MIS18A: variants seen among roughly 807,000 people sequenced by gnomAD.
The protein encoded by MIS18A is protein Mis18-alpha.
A neutral mutation model predicts 25.0 loss-of-function variants in MIS18A; 14 were observed. The ratio of observed to expected loss-of-function variants is 0.56; its 90% confidence interval spans 0.37 to 0.88. The LOEUF is 0.88. MIS18A is among the 40% of genes least tolerant of loss of function. The pLI, the probability that MIS18A is intolerant of heterozygous loss-of-function variation, is 0.00. For synonymous variants in MIS18A, 134 were observed against 118.6 expected (o/e 1.13, Z -0.84); for missense variants, 292 against 290.8 (o/e 1.00, Z -0.03).
chr21:32,171,616 G>A, the MIS18A span, among the ~76,000 whole-genome samples: 1 of 151,990 alleles, frequency 6.6e-6, no homozygotes, highest in African/African-American at 2.4e-5. Context: ...AACCTATATA[G>A]CACATTACTT....
chr21:32,228,005 C>T, the MIS18A span, among the ~76,000 whole-genome samples: 1 of 152,298 alleles, frequency 6.6e-6, no homozygotes, highest in East Asian at 1.9e-4. Flanking sequence ...ATGATAAAAA[C>T]ACTCAATAAA....
the MIS18A span, among the ~76,000 whole-genome samples, chr21:32,219,876 A>G: frequency 6.6e-6 from 1 of 152,196 alleles, no homozygotes; most frequent in Non-Finnish European, 1.5e-5. Flanking sequence ...CGAACTGGGC[A>G]GAGCCCACCA....
chr21:32,246,853 G>A, the MIS18A span, among the ~76,000 whole-genome samples: 3 of 152,122 alleles, frequency 2.0e-5, no homozygotes, highest in Non-Finnish European at 4.4e-5. Context: ...AACAGAAACG[G>A]CTTTTCTCTG....
the MIS18A span, chr21:32,259,705 C>T: frequency 6.6e-6 from 1 of 152,244 alleles, no homozygotes; most frequent in African/African-American, 2.4e-5. Context: ...CTCCCTTGCA[C>T]CCAGACAGCG....
chr21:32,191,862 G>A, the MIS18A span, among the ~76,000 whole-genome samples: 2 of 151,914 alleles, frequency 1.3e-5, no homozygotes, highest in African/African-American at 4.8e-5. Context: ...CCAAGATTGT[G>A]CCATTGCACT....
the MIS18A span, among the ~76,000 whole-genome samples, chr21:32,235,101 A>G: frequency 3.3e-5 from 5 of 152,282 alleles, no homozygotes; most frequent in African/African-American, 1.2e-4. Context: ...GCATGAATGC[A>G]GAGGAGTAGA....
At chr21:32,200,521 C>T in the MIS18A span, among the ~76,000 whole-genome samples, 3 of 151,994 alleles carry the variant, frequency 2.0e-5, no homozygotes, top group East Asian at 5.8e-4. Context: ...GCAAGCTCCA[C>T]CTCCTGGGTT....
chr21:32,271,936 G>A (rs2031722403), intron 2 of MIS18A, among the ~76,000 whole-genome samples: 1 of 152,156 alleles, frequency 6.6e-6, no homozygotes, highest in South Asian at 2.1e-4. Flanking sequence ...AGAGAAACCA[G>A]AGGCTTGAAC....
the MIS18A span, among the ~76,000 whole-genome samples, chr21:32,238,973 T>C: frequency 6.6e-6 from 1 of 152,240 alleles, no homozygotes; most frequent in African/African-American, 2.4e-5. Flanking sequence ...CTCTTTTAGT[T>C]TTACATAAGA....
chr21:32,184,492 T>C, the MIS18A span, among the ~76,000 whole-genome samples: 1 of 152,214 alleles, frequency 6.6e-6, no homozygotes, highest in Non-Finnish European at 1.5e-5. Context: ...TCTCTGTTCT[T>C]ACATGGGCTG....
chr21:32,178,748 C>T, the MIS18A span, among the ~76,000 whole-genome samples: 1 of 152,182 alleles, frequency 6.6e-6, no homozygotes, highest in Non-Finnish European at 1.5e-5. Context: ...TCATATCTTT[C>T]ATCACTGAGG....
At chr21:32,260,498 G>A in the MIS18A span, 1 of 152,816 alleles carries the variant, frequency 6.5e-6, no homozygotes, top group South Asian at 2.1e-4. Context: ...GTGGGAATTA[G>A]AGACACAGGA....
chr21:32,159,729 G>A, the MIS18A span, among the ~76,000 whole-genome samples: 5 of 152,218 alleles, frequency 3.3e-5, no homozygotes, highest in African/African-American at 9.6e-5. Context: ...GTTTGGAAAG[G>A]TGGGACAACT....
the MIS18A span, among the ~76,000 whole-genome samples, chr21:32,220,445 G>T: frequency 6.6e-6 from 1 of 152,144 alleles, no homozygotes; most frequent in Non-Finnish European, 1.5e-5. Flanking sequence ...TCAACAAAAA[G>T]GACGCCCACG....
chr21:32,215,576 G>A, the MIS18A span, among the ~76,000 whole-genome samples: 1 of 152,080 alleles, frequency 6.6e-6, no homozygotes, highest in Non-Finnish European at 1.5e-5. Flanking sequence ...ATGACAAGCT[G>A]GTATCCATCT....
the MIS18A span, among the ~76,000 whole-genome samples, chr21:32,177,545 A>C: frequency 6.6e-6 from 1 of 152,196 alleles, no homozygotes; most frequent in Non-Finnish European, 1.5e-5. Flanking sequence ...TGTATGTATA[A>C]AACTCTGAAG....
the MIS18A span, among the ~76,000 whole-genome samples, chr21:32,250,987 T>C: frequency 6.6e-6 from 1 of 152,112 alleles, no homozygotes; most frequent in Non-Finnish European, 1.5e-5. Context: ...ATAGAGTGAG[T>C]TCTCATGAGA....
chr21:32,249,475 G>C, the MIS18A span, among the ~76,000 whole-genome samples: 1 of 152,158 alleles, frequency 6.6e-6, no homozygotes, highest in Non-Finnish European at 1.5e-5. Context: ...AGACTTCTGG[G>C]AGGAGCCATG....
chr21:32,232,950 G>A, the MIS18A span, among the ~76,000 whole-genome samples: 1 of 152,140 alleles, frequency 6.6e-6, no homozygotes, highest in Non-Finnish European at 1.5e-5. Flanking sequence ...GAATCAATGG[G>A]AACCTGAAAA....
Sources: allele counts gnomAD v4.1 joint callset (sites outside exome capture counted in the v4.1 genomes callset), GRCh38; gene constraint gnomAD v4.1.1; transcripts MANE v1.5; gene names NCBI Gene and HGNC (gene_info 2026-07-23, HGNC 2026-07-21).